CSMD1: variants seen among roughly 807,000 people sequenced by gnomAD.
CSMD1 encodes CUB and sushi domain-containing protein 1.
Under a neutral mutation model 417.5 loss-of-function variants are expected in CSMD1, and 213 were observed. The observed-to-expected ratio is 0.51, with a 90% CI of 0.46 to 0.57. The LOEUF is 0.57. CSMD1 is among the 20% of genes least tolerant of loss of function. The probability of loss-of-function intolerance (pLI) is 0.00; values close to 1 mark genes in which losing one functional copy is unlikely to be tolerated. For synonymous variants in CSMD1, 2,862 were observed against 1,736.8 expected, an observed-to-expected ratio of 1.65 and a Z score of -16.11; for missense variants, 6,923 against 4,529.7, an observed-to-expected ratio of 1.53 and a Z score of -15.17.
At chr8:3,868,575 G>A (rs1231385453) in intron 5 of CSMD1, among the ~76,000 whole-genome samples, 1 of 152,120 alleles carries the variant, frequency 6.6e-6, no homozygotes, top group Admixed American at 6.5e-5. Context: ...GGATTTGAGG[G>A]TCCAGCAGCC....
At chr8:4,555,575 T>C (rs189364020) in intron 2 of CSMD1, among the ~76,000 whole-genome samples, 24 of 152,322 alleles carry the variant, frequency 1.6e-4, no homozygotes, top group East Asian at 1.5e-3. Context: ...GGAAGGATCA[T>C]TGATACCTCA....
chr8:3,871,288 C>A (rs1369455989), intron 5 of CSMD1, among the ~76,000 whole-genome samples: 1 of 152,162 alleles, frequency 6.6e-6, no homozygotes, highest in South Asian at 2.1e-4. Context: ...AAAAGCTGCA[C>A]TGATTTATAC....
At chr8:3,271,011 C>T (rs991544194) in intron 26 of CSMD1, among the ~76,000 whole-genome samples, 2 of 151,896 alleles carry the variant, frequency 1.3e-5, no homozygotes, top group African/African-American at 4.8e-5. Context: ...ATGTGCCATG[C>T]TGGTGCGCTG....
intron 5 of CSMD1, among the ~76,000 whole-genome samples, chr8:3,866,591 C>T (rs1375191212): frequency 6.6e-6 from 1 of 151,872 alleles, no homozygotes; most frequent in Non-Finnish European, 1.5e-5. Context: ...CTGAAAACAC[C>T]TTATAGTCTC....
chr8:3,989,578 G>A (rs1050335946), intron 5 of CSMD1, among the ~76,000 whole-genome samples: 6 of 152,098 alleles, frequency 3.9e-5, no homozygotes, highest in Admixed American at 6.5e-5. Context: ...ACAAGAAAGG[G>A]ATTGCATTAA....
At chr8:3,020,764 G>C (rs1264543392) in intron 51 of CSMD1, among the ~76,000 whole-genome samples, 1 of 152,106 alleles carries the variant, frequency 6.6e-6, no homozygotes, top group Non-Finnish European at 1.5e-5. Flanking sequence ...ACCAGAAATT[G>C]GGAGGTCCAA....
At chr8:4,074,068 T>A (rs181121776) in intron 3 of CSMD1, among the ~76,000 whole-genome samples, 33 of 152,216 alleles carry the variant, frequency 2.2e-4, no homozygotes, top group Admixed American at 5.9e-4. Flanking sequence ...AATATTGATA[T>A]GGAATAGACA....
At chr8:4,870,748 G>C (rs960639443) in intron 1 of CSMD1, among the ~76,000 whole-genome samples, 5 of 152,126 alleles carry the variant, frequency 3.3e-5, no homozygotes, top group African/African-American at 1.2e-4. Flanking sequence ...AACTATGTGA[G>C]CCTGCTCCAT....
At chr8:4,734,893 T>A (rs1810129132) in intron 1 of CSMD1, among the ~76,000 whole-genome samples, 1 of 152,212 alleles carries the variant, frequency 6.6e-6, no homozygotes, top group African/African-American at 2.4e-5. Context: ...AGCAGCAGGC[T>A]GGCCACAGTA....
chr8:4,836,741 G>T (rs892317722), intron 1 of CSMD1, among the ~76,000 whole-genome samples: 9 of 151,940 alleles, frequency 5.9e-5, no homozygotes, highest in African/African-American at 1.9e-4. Context: ...TAAACCCCCA[G>T]ATATCAAAGT....
chr8:4,268,775 G>T (rs565982466), intron 3 of CSMD1, among the ~76,000 whole-genome samples: 2 of 151,184 alleles, frequency 1.3e-5, no homozygotes, highest in Non-Finnish European at 1.5e-5. Flanking sequence ...ACAAATATCT[G>T]AATAACATCG....
At chr8:3,310,636 A>G (rs1805259087) in intron 23 of CSMD1, among the ~76,000 whole-genome samples, 1 of 152,218 alleles carries the variant, frequency 6.6e-6, no homozygotes, top group African/African-American at 2.4e-5. Context: ...TGAGTTCAGC[A>G]TCTATCCCTA....
chr8:4,283,713 T>A (rs951545297), intron 3 of CSMD1, among the ~76,000 whole-genome samples: 9 of 152,182 alleles, frequency 5.9e-5, no homozygotes, highest in African/African-American at 2.2e-4. Flanking sequence ...ACACTTTTTA[T>A]TCTTTTTAAC....
intron 25 of CSMD1, among the ~76,000 whole-genome samples, chr8:3,302,240 T>G (rs185846594): frequency 5.2e-4 from 79 of 152,324 alleles, no homozygotes; most frequent in African/African-American, 1.8e-3. Context: ...TTCCACCATT[T>G]TATCTCTTGT....
intron 21 of CSMD1, among the ~76,000 whole-genome samples, chr8:3,357,439 C>A (rs892480876): frequency 7.2e-4 from 109 of 152,150 alleles, no homozygotes; most frequent in Admixed American, 7.1e-3. Context: ...ATGGAAGGAG[C>A]CTGAAGCAGT....
intron 2 of CSMD1, among the ~76,000 whole-genome samples, chr8:4,626,636 G>A (rs544973020): frequency 1.3e-5 from 2 of 152,200 alleles, no homozygotes; most frequent in South Asian, 2.1e-4. Context: ...TGGGAGGGCA[G>A]GGCGCCAGCT....
At chr8:3,680,924 C>A (rs13274401) in intron 7 of CSMD1, among the ~76,000 whole-genome samples, 2 of 151,920 alleles carry the variant, frequency 1.3e-5, no homozygotes, top group Non-Finnish European at 2.9e-5. Context: ...ATAAACAGAA[C>A]CAATGACAAA....
intron 5 of CSMD1, among the ~76,000 whole-genome samples, chr8:3,802,989 A>G (rs1455912901): frequency 6.6e-6 from 1 of 152,198 alleles, no homozygotes; most frequent in East Asian, 1.9e-4. Context: ...GTAGGGTGAA[A>G]TATTTATTAT....
At chr8:3,099,239 T>A (rs374684381) in intron 46 of CSMD1, among the ~76,000 whole-genome samples, 2 of 152,032 alleles carry the variant, frequency 1.3e-5, no homozygotes, top group East Asian at 1.9e-4. Context: ...GTGGGAAGCA[T>A]AAATAAACTT....
Sources: gnomAD v4.1 joint callset for allele counts (sites outside exome capture counted in the v4.1 genomes callset) on GRCh38, gnomAD v4.1.1 for gene constraint, MANE v1.5 for transcripts, NCBI Gene and HGNC (gene_info 2026-07-23, HGNC 2026-07-21) for gene names.